Variants in DCAF6 observed in about 807,000 individuals in gnomAD.
DCAF6 encodes the protein DDB1- and CUL4-associated factor 6.
In DCAF6, 54 loss-of-function variants were observed where a neutral mutation model predicts 125.1. The ratio of observed to expected loss-of-function variants is 0.43; its 90% CI spans 0.35 to 0.54. The LOEUF (loss-of-function observed/expected upper bound fraction) is 0.54, where lower values mean the gene tolerates loss of function less well. Ranked by LOEUF, DCAF6 falls within the 20% of genes least tolerant of loss-of-function variation. The pLI is 0.01. For synonymous variants in DCAF6, 371 were observed against 390.4 expected (o/e 0.95, Z 0.58); for missense variants, 934 against 1,161.7 (o/e 0.80, Z 2.85).
At position 168,004,791 on chromosome 1, in the gene DCAF6, C is replaced by G. The variant is rs1449480915; in HGVS notation, c.1376C>G (p.Ser459Cys). 6.2e-7 allele frequency: 1 copy of G among 1,613,582 alleles called. No homozygotes were observed. The highest frequency in any genetic ancestry group is 1.1e-5 in the South Asian group (1 of 91,006). ...EASGHHTHHQ[S>C]EFLRGPEIAL... The stretch of plus-strand genomic sequence containing the variant: ...TCTGGACACCACACACATCATCAGT[C>G]TGGTGAGGATAAGTATGCTGTGGTT... Residue 459 changes from serine (S) to cysteine (C), a missense_variant and splice_region_variant, in exon 10 of 22, where the codon TCT becomes TGT. This residue lies in a region of DCAF6 where 559 missense variants were observed against 635.5 expected (regional missense o/e 0.88). Transcript: ENST00000367840.
intron 1 of DCAF6, 78 bp downstream of exon 1, chr1:167,937,086 G>C (rs1411759016): frequency 1.5e-6 from 2 of 1,301,132 alleles, no homozygotes; most frequent in African/African-American, 1.5e-5. Flanking sequence ...GGGTCTGTTG[G>C]AGGTGGGACG....
At chr1:167,943,754 C>T (rs1187601267) in intron 1 of DCAF6, among the ~76,000 whole-genome samples, 1 of 152,178 alleles carries the variant, frequency 6.6e-6, no homozygotes, top group Non-Finnish European at 1.5e-5. Context: ...TGAGTCAGAA[C>T]ATCATACTTG....
chr1:168,031,867 C>T (rs1348915719), intron 12 of DCAF6, among the ~76,000 whole-genome samples: 1 of 151,982 alleles, frequency 6.6e-6, no homozygotes. Flanking sequence ...GAATAGGAGA[C>T]GTTTATGAAT....
Position 168,066,581 on chromosome 1 carries a change from G to A in DCAF6, c.2685+116G>A, listed in dbSNP as rs1444269266. ...CATGAAACAAGTTAATGCAGTTAAG[G>A]AGGTCAAATTTTAAGAAAAAGAAAA... On this transcript the variant is annotated intron_variant, in intron 20 of 21. Transcript: ENST00000367840. The A allele has an allele frequency of 6.1e-6, 4 of 651,026 alleles. No individual in the cohort carries two copies. In the African/African-American group the frequency reaches 7.4e-5, roughly 12 times the overall value. The allele number at this position is 651,026 out of a possible 1,614,324, so 40.3% of individuals were successfully genotyped here.
rs1049072952 is a variant in DCAF6 at position 167,936,962 on chromosome 1, G to C, written c.51G>C (p.Arg17Ser). ...YPHLLWDVRK[R>S]SLGLEDPSRL... ...ACCTGTTGTGGGACGTGAGGAAAAG[G>C]TCCCTCGGGCTGGAGGACCCGTCCC... Residue 17 changes from arginine (R) to serine (S), a missense_variant, in exon 1 of 22, where the codon AGG becomes AGC. Physicochemically the swap from Arg to Ser is moderately radical, Grantham distance 110 (BLOSUM62 -1). Around this residue, in one of 5 missense-constraint regions of DCAF6, gnomAD observed 309 missense variants for 381.2 expected, o/e 0.81. Coordinates refer to ENST00000367840, the MANE Select transcript of DCAF6 (RefSeq NM_001198956.2). The C allele has an allele frequency of 6.2e-7, 1 of 1,611,150 alleles. No individual in the cohort carries two copies. The highest frequency in any genetic ancestry group is 8.5e-7 in the Non-Finnish European group (1 of 1,179,278).
At chr1:167,992,859 C>A (rs1305385381) in intron 6 of DCAF6, among the ~76,000 whole-genome samples, 4 of 152,122 alleles carry the variant, frequency 2.6e-5, no homozygotes, top group African/African-American at 9.7e-5. Context: ...ATGTAGTATG[C>A]TAATAAGTAT....
chr1:167,936,741 C>T lies in DCAF6; in HGVS notation c.-171C>T, dbSNP rs968212656. The T allele has an allele frequency of 4.9e-6, 3 of 606,480 alleles. No homozygotes were observed. The highest frequency in any genetic ancestry group is 4.4e-4 in the Middle Eastern group (1 of 2,278). The allele number at this position is 606,480 out of a possible 1,614,324, so 37.6% of individuals were successfully genotyped here. ...AGGCGAGCTCCGGCCCGGGTGCGGC[C>T]GGGCTTCAGGGGCCCAGGCGCCGCT... On this transcript the variant is annotated 5_prime_UTR_variant, in exon 1 of 22. Transcript: ENST00000367840.
At chr1:167,958,730 T>A (rs1447453907) in intron 2 of DCAF6, among the ~76,000 whole-genome samples, 3 of 152,230 alleles carry the variant, frequency 2.0e-5, no homozygotes, top group African/African-American at 4.8e-5. Context: ...TGAATTTTTT[T>A]AGAGCAGTTT....
At chr1:167,946,292 C>G (rs112940637) in intron 1 of DCAF6, among the ~76,000 whole-genome samples, 82 of 152,198 alleles carry the variant, frequency 5.4e-4, no homozygotes, top group Non-Finnish European at 9.7e-4. Context: ...TTAGGTTTTT[C>G]TAGATATAAG....
At chr1:168,065,816 T>A (rs1001887028) in intron 19 of DCAF6, 70 bp downstream of exon 19, 106 of 1,393,042 alleles carry the variant, frequency 7.6e-5, no homozygotes, top group Admixed American at 1.3e-4. Flanking sequence ...AAAATTATTC[T>A]TTTTTAATTG....
At chr1:167,987,672 T>C in intron 5 of DCAF6, 64 bp downstream of exon 5, 1 of 806,692 alleles carries the variant, frequency 1.2e-6, no homozygotes, top group South Asian at 1.6e-5. Flanking sequence ...AAATTGGTTA[T>C]AATTAAAGTT....
chr1:167,998,959 C>T (rs952633120), intron 7 of DCAF6, among the ~76,000 whole-genome samples: 2 of 152,082 alleles, frequency 1.3e-5, no homozygotes, highest in African/African-American at 4.8e-5. Context: ...AATAAGGCAT[C>T]TAGAATGGTC....
At chr1:167,883,027 C>T in the DCAF6 span, among the ~76,000 whole-genome samples, 1 of 152,122 alleles carries the variant, frequency 6.6e-6, no homozygotes, top group Non-Finnish European at 1.5e-5. Context: ...GACTGGCCTT[C>T]TAGGTTAAAT....
chr1:167,992,615 T>C (rs1256765010), intron 6 of DCAF6, among the ~76,000 whole-genome samples: 1 of 152,214 alleles, frequency 6.6e-6, no homozygotes, highest in African/African-American at 2.4e-5. Context: ...TTTGCAAGGT[T>C]ATACAGCTTT....
upstream of DCAF6, among the ~76,000 whole-genome samples, chr1:167,932,823 A>G (rs181307494): frequency 0.011 from 1,673 of 150,650 alleles, 17 homozygotes; most frequent in Middle Eastern, 0.035. Context: ...AAAAAAAAAA[A>G]AAAAGAAAAG....
Position 168,006,844 on chromosome 1 carries a change from C to G in DCAF6, c.1378+2051C>G, listed in dbSNP as rs74120594. 4.5e-3 allele frequency among the ~76,000 whole-genome samples: 690 copies of G among 152,218 alleles called. 8 individuals carry two copies. Among genetic ancestry groups the G allele is most frequent in the African/African-American group, 0.016 (668 of 41,536 alleles). ...CTCATTTTTACTGATATCAAAGAAACGGACAATGGGAATATGAAAATTTGC... is the reference window on the plus strand; with the variant it reads ...CTCATTTTTACTGATATCAAAGAAAGGGACAATGGGAATATGAAAATTTGC... On this transcript the variant is annotated intron_variant, in intron 10 of 21. Transcript: ENST00000367840.
chr1:167,915,593 G>A, the DCAF6 span, among the ~76,000 whole-genome samples: 137 of 152,250 alleles, frequency 9.0e-4, no homozygotes, highest in African/African-American at 3.1e-3. Context: ...TCGGATTACA[G>A]GCATGTGCCA....
intron 3 of DCAF6, chr1:167,968,585 T>C (rs1466961368): frequency 6.6e-6 from 1 of 152,388 alleles, no homozygotes. Flanking sequence ...CAGGAGAAGC[T>C]GTCGGGTGTT....
At chr1:168,035,996 A>G (rs1455352824) in intron 12 of DCAF6, among the ~76,000 whole-genome samples, 2 of 152,150 alleles carry the variant, frequency 1.3e-5, no homozygotes, top group Non-Finnish European at 2.9e-5. Flanking sequence ...CGGGAGGCGG[A>G]GCTTGCAGTG....
Sources: gnomAD v4.1 joint callset for allele counts (sites outside exome capture counted in the v4.1 genomes callset) on GRCh38, gnomAD v4.1.1 for gene constraint, gnomAD v4.1.1 regional missense constraint, MANE v1.5 for transcripts, NCBI Gene and HGNC (gene_info 2026-07-23, HGNC 2026-07-21) for gene names.